Variants in GPC5 observed in about 807,000 individuals in gnomAD.
GPC5 encodes glypican 5.
In GPC5, 47 loss-of-function variants were observed where a neutral mutation model predicts 53.9. The observed-to-expected ratio is 0.87, with a 90% CI of 0.69 to 1.11. The LOEUF (loss-of-function observed/expected upper bound fraction) is 1.11. Ranked by LOEUF, GPC5 falls within the 50% of genes most tolerant of loss-of-function variation. The pLI, the probability that GPC5 is intolerant of heterozygous loss-of-function variation, is 0.00. For synonymous variants in GPC5, 286 were observed against 263.3 expected (o/e 1.09, Z -0.84); for missense variants, 748 against 713.1 (o/e 1.05, Z -0.56).
At chr13:92,758,905 G>T (rs1258582088) in intron 7 of GPC5, among the ~76,000 whole-genome samples, 2 of 148,484 alleles carry the variant, frequency 1.3e-5, no homozygotes, top group Non-Finnish European at 3.0e-5. Flanking sequence ...TGATTTTTGT[G>T]TATGGTGTAA....
chr13:92,169,141 G>A (rs2042051906), intron 7 of GPC5, among the ~76,000 whole-genome samples: 1 of 152,128 alleles, frequency 6.6e-6, no homozygotes, highest in African/African-American at 2.4e-5. Flanking sequence ...AGAATACGTG[G>A]ACAAAGGAAG....
chr13:91,889,099 A>C (rs1417076712), intron 5 of GPC5, among the ~76,000 whole-genome samples: 3 of 152,188 alleles, frequency 2.0e-5, no homozygotes, highest in Non-Finnish European at 4.4e-5. Context: ...GGCACCTGAT[A>C]CATCTATTTG....
Position 91,478,810 on chromosome 13 carries a change from TATATATATATATAC to T in GPC5, c.325+29890_325+29903del, listed in dbSNP as rs1235327384. Reference sequence around the variant, plus strand: ...CCATTTGAGTTTATATATATATATATATATATATATATACACACACACACATATATATACACATT... The same window carrying T: ...CCATTTGAGTTTATATATATATATATACACACACACATATATATACACATT... On this transcript the variant is annotated intron_variant, in intron 2 of 7. Coordinates refer to ENST00000377067, the MANE Select transcript of GPC5 (RefSeq NM_004466.6). Among the ~76,000 whole-genome samples, 43 of 118,520 alleles carry T rather than the reference TATATATATATATAC, an allele frequency of 3.6e-4. 1 individual carries two copies. Among genetic ancestry groups the T allele is most frequent in the African/African-American group, 1.2e-3 (34 of 28,616 alleles). 77.8% of individuals were successfully genotyped at this position (118,520 alleles called of 152,430 possible).
At chr13:92,795,034 C>G (rs1876616441) in intron 7 of GPC5, among the ~76,000 whole-genome samples, 1 of 152,086 alleles carries the variant, frequency 6.6e-6, no homozygotes, top group Admixed American at 6.6e-5. Context: ...GAAAAAACTA[C>G]TTTAAAGTTC....
At chr13:92,225,408 G>T (rs897921631) in intron 7 of GPC5, among the ~76,000 whole-genome samples, 3 of 152,136 alleles carry the variant, frequency 2.0e-5, no homozygotes, top group African/African-American at 7.2e-5. Flanking sequence ...ACATTAAGTG[G>T]TTTTTGATAA....
chr13:92,698,851 C>T (rs535625145), intron 7 of GPC5, among the ~76,000 whole-genome samples: 12 of 152,180 alleles, frequency 7.9e-5, no homozygotes, highest in South Asian at 6.2e-4. Context: ...TTTTAATGAT[C>T]GCCATTCTAA....
In GPC5 at chr13:91,415,809, G is replaced by T. The variant is rs965828753; in HGVS notation, c.163+16600G>T. Among the ~76,000 whole-genome samples the T allele has an allele frequency of 2.6e-5, 4 of 152,212 alleles. No homozygotes were observed. The East Asian group carries it at 7.7e-4, about 29-fold the overall frequency. ...CTATTTAACCAAATGTAAAGATGTTGCTCAATCTTCTCTGATCCCTTTTCA... is the reference window on the plus strand; with the variant it reads ...CTATTTAACCAAATGTAAAGATGTTTCTCAATCTTCTCTGATCCCTTTTCA... On this transcript the variant is annotated intron_variant, in intron 1 of 7. Transcript: ENST00000377067.
At chr13:92,837,415 A>G (rs1878256427) in intron 7 of GPC5, among the ~76,000 whole-genome samples, 1 of 152,134 alleles carries the variant, frequency 6.6e-6, no homozygotes, top group Admixed American at 6.5e-5. Flanking sequence ...CAGACAGGGG[A>G]AGGTCTTAAA....
At chr13:92,342,878 T>C (rs1329736489) in intron 7 of GPC5, among the ~76,000 whole-genome samples, 5 of 152,174 alleles carry the variant, frequency 3.3e-5, no homozygotes, top group Non-Finnish European at 7.4e-5. Context: ...TCAGTGTATT[T>C]ATTTAGATCT....
intron 7 of GPC5, among the ~76,000 whole-genome samples, chr13:92,214,294 A>C (rs1278701578): frequency 6.6e-6 from 1 of 152,230 alleles, no homozygotes; most frequent in Admixed American, 6.5e-5. Context: ...TAAAGTCAAA[A>C]AAGTGCAAGG....
chr13:92,699,134 C>T (rs536062237), intron 7 of GPC5, among the ~76,000 whole-genome samples: 1 of 152,170 alleles, frequency 6.6e-6, no homozygotes, highest in South Asian at 2.1e-4. Flanking sequence ...AGGGATTCGA[C>T]TTCTTCCTGG....
At chr13:91,571,856 T>C (rs535809417) in intron 2 of GPC5, among the ~76,000 whole-genome samples, 1,538 of 110,196 alleles carry the variant, frequency 0.014, 82 homozygotes, top group South Asian at 0.076. Flanking sequence ...TATATACACA[T>C]ATACGTGTGT....
chr13:92,806,644 T>G (rs1386673963), intron 7 of GPC5, among the ~76,000 whole-genome samples: 1 of 152,008 alleles, frequency 6.6e-6, no homozygotes, highest in African/African-American at 2.4e-5. Flanking sequence ...ATTTTCAGTA[T>G]TGTTGTGTCT....
intron 6 of GPC5, among the ~76,000 whole-genome samples, chr13:92,057,264 A>G (rs1459248542): frequency 3.3e-5 from 5 of 152,008 alleles, no homozygotes; most frequent in Non-Finnish European, 4.4e-5. Context: ...GAGAGAGGCC[A>G]TATGAAGTGA....
chr13:91,621,619 G>C (rs1398055091), intron 2 of GPC5, among the ~76,000 whole-genome samples: 1 of 151,840 alleles, frequency 6.6e-6, no homozygotes, highest in Non-Finnish European at 1.5e-5. Flanking sequence ...CAACCAAAAA[G>C]AGAGTAAAAT....
rs563400996 is a variant in GPC5, at chr13:92,618,769, T to TAAAC, written c.1562-247512_1562-247511insAACA. Among the ~76,000 whole-genome samples the TAAAC allele has an allele frequency of 8.5e-4, 128 of 150,278 alleles. 1 individual carries two copies. The highest frequency in any genetic ancestry group is 2.9e-3 in the African/African-American group (119 of 41,128). On this transcript the variant is annotated intron_variant, in intron 7 of 7. Transcript: ENST00000377067. The stretch of plus-strand genomic sequence containing the variant: ...GATTAGATTGACCACTAACATGACA[T>TAAAC]AGACATAGAGTGTCATGTGAAATAA...
intron 7 of GPC5, among the ~76,000 whole-genome samples, chr13:92,777,252 C>A (rs548820244): frequency 6.7e-6 from 1 of 148,160 alleles, no homozygotes; most frequent in South Asian, 2.2e-4. Context: ...AGGAGAATCA[C>A]TTGAACCCAG....
intron 2 of GPC5, among the ~76,000 whole-genome samples, chr13:91,631,692 G>C (rs2034162079): frequency 6.6e-6 from 1 of 152,002 alleles, no homozygotes; most frequent in African/African-American, 2.4e-5. Flanking sequence ...GCAATTAAAA[G>C]CCTCTGTGTC....
At chr13:92,410,057 C>T (rs1301458445) in intron 7 of GPC5, among the ~76,000 whole-genome samples, 5 of 152,124 alleles carry the variant, frequency 3.3e-5, no homozygotes, top group East Asian at 1.9e-4. Context: ...TTTGATATAT[C>T]GCAATGATTC....
Sources: allele counts gnomAD v4.1 joint callset (sites outside exome capture counted in the v4.1 genomes callset), GRCh38; gene constraint gnomAD v4.1.1; transcripts MANE v1.5; gene names NCBI Gene and HGNC (gene_info 2026-07-23, HGNC 2026-07-21).